Variants in GUCY1A2 observed in about 807,000 individuals in gnomAD.
The protein encoded by GUCY1A2 is guanylate cyclase soluble subunit alpha-2.
A neutral mutation model predicts 63.5 loss-of-function variants in GUCY1A2; 27 were observed. The observed-to-expected ratio is 0.43, with a 90% CI of 0.31 to 0.59. The LOEUF (loss-of-function observed/expected upper bound fraction) is 0.59. Among genes scored for constraint, GUCY1A2 ranks in the 20% least tolerant of loss-of-function variants. The pLI, the probability that GUCY1A2 is intolerant of heterozygous loss-of-function variation, is 0.11. For missense variants in GUCY1A2, 768 were observed against 913.3 expected, an observed-to-expected ratio of 0.84 and a Z score of 2.05; for synonymous variants, 364 against 343.5, an observed-to-expected ratio of 1.06 and a Z score of -0.66.
chr11:106,983,790 C>CA (rs1333103517), intron 2 of GUCY1A2, among the ~76,000 whole-genome samples: 2 of 152,102 alleles, frequency 1.3e-5, no homozygotes, highest in Middle Eastern at 3.2e-3. Context: ...CCTCACCTGC[C>CA]AAAAAATAAC....
intron 3 of GUCY1A2, among the ~76,000 whole-genome samples, chr11:106,941,775 C>A (rs1860755030): frequency 6.6e-6 from 1 of 152,192 alleles, no homozygotes; most frequent in Admixed American, 6.5e-5. Flanking sequence ...GAGTCTAAAA[C>A]TTCTGGTAGC....
At chr11:106,980,112 G>A (rs1477316591) in intron 2 of GUCY1A2, among the ~76,000 whole-genome samples, 1 of 152,168 alleles carries the variant, frequency 6.6e-6, no homozygotes, top group African/African-American at 2.4e-5. Flanking sequence ...GAAGACTCTG[G>A]AGAAAGTTAT....
intron 5 of GUCY1A2, among the ~76,000 whole-genome samples, chr11:106,779,065 A>T (rs2135404345): frequency 6.6e-6 from 1 of 152,314 alleles, no homozygotes; most frequent in South Asian, 2.1e-4. Flanking sequence ...GCACTAATTT[A>T]GGGAATATTA....
intron 4 of GUCY1A2, among the ~76,000 whole-genome samples, chr11:106,821,990 C>A (rs917605088): frequency 2.0e-5 from 3 of 152,068 alleles, no homozygotes; most frequent in African/African-American, 7.2e-5. Flanking sequence ...TTCTGGCTGA[C>A]TTGCATTAAA....
chr11:106,982,837 G>A (rs1861355696), intron 2 of GUCY1A2, among the ~76,000 whole-genome samples: 1 of 152,172 alleles, frequency 6.6e-6, no homozygotes, highest in Admixed American at 6.5e-5. Flanking sequence ...GGTAGGCAGA[G>A]GCCAGATCAC....
intron 1 of GUCY1A2, 124 bp from the exon 2 acceptor site, chr11:106,986,255 T>G: frequency 5.3e-6 from 3 of 562,372 alleles, no homozygotes; most frequent in Non-Finnish European, 9.4e-6. Flanking sequence ...TTCTACAGTA[T>G]TAACCCATTT....
intron 3 of GUCY1A2, among the ~76,000 whole-genome samples, chr11:106,974,655 T>A (rs1185903858): frequency 6.6e-6 from 1 of 152,056 alleles, no homozygotes; most frequent in Non-Finnish European, 1.5e-5. Context: ...ATTTCCTCTA[T>A]CCTCCTTACT....
At chr11:106,918,109 G>T (rs909090415) in intron 4 of GUCY1A2, among the ~76,000 whole-genome samples, 4 of 143,886 alleles carry the variant, frequency 2.8e-5, no homozygotes, top group African/African-American at 9.8e-5. Context: ...GAGAACGAAG[G>T]GTATAACGCC....
chr11:106,796,164 C>A (rs892681703), intron 5 of GUCY1A2, among the ~76,000 whole-genome samples: 1 of 152,064 alleles, frequency 6.6e-6, no homozygotes, highest in Non-Finnish European at 1.5e-5. Context: ...TGCTTGGTAG[C>A]TCTTCCTCCA....
At chr11:106,901,439 C>T (rs980657851) in intron 4 of GUCY1A2, among the ~76,000 whole-genome samples, 9 of 152,152 alleles carry the variant, frequency 5.9e-5, no homozygotes, top group African/African-American at 1.9e-4. Flanking sequence ...TCCCATGAAT[C>T]GTCAATGTTC....
intron 4 of GUCY1A2, among the ~76,000 whole-genome samples, chr11:106,860,095 A>T (rs1174633100): frequency 1.8e-4 from 28 of 151,938 alleles, no homozygotes. Context: ...TACTATTATT[A>T]CTCAACATAT....
At chr11:106,804,088 C>G (rs980959801) in intron 5 of GUCY1A2, among the ~76,000 whole-genome samples, 6 of 152,164 alleles carry the variant, frequency 3.9e-5, no homozygotes, top group Non-Finnish European at 5.9e-5. Context: ...ATGCTAATTT[C>G]CATAACATTT....
At chr11:106,858,569 A>G (rs1859467993) in intron 4 of GUCY1A2, among the ~76,000 whole-genome samples, 1 of 152,124 alleles carries the variant, frequency 6.6e-6, no homozygotes, top group Non-Finnish European at 1.5e-5. Context: ...GGATTTAAAC[A>G]CAGGTCCATC....
Position 106,828,478 on chromosome 11 carries a change from T to A in GUCY1A2, c.1207-18000A>T, listed in dbSNP as rs75367275. On this transcript the variant is annotated intron_variant, in intron 4 of 7. Coordinates refer to ENST00000526355, the MANE Select transcript of GUCY1A2 (RefSeq NM_000855.3). The stretch of plus-strand genomic sequence containing the variant: ...GTGTCCTTTCCCTATTGTTTATTTT[T>A]GTCAACTTTGTCAAATATCAGTTGA... Among the ~76,000 whole-genome samples, 889 of 152,346 alleles carry A rather than the reference T, an allele frequency of 5.8e-3. 13 individuals are homozygous for A. Among genetic ancestry groups the A allele is most frequent in the African/African-American group, 0.02 (814 of 41,570 alleles).
Position 106,825,566 on chromosome 11 carries a change from T to C in GUCY1A2, c.1207-15088A>G, listed in dbSNP as rs548199872. 1.5e-3 allele frequency among the ~76,000 whole-genome samples: 232 copies of C among 151,902 alleles called. 2 individuals carry two copies. In the South Asian group the frequency reaches 0.016, roughly 11 times the overall value. ...TAAGTTTTTTATGCCTTTATATACTTAGCTATATTTTTTCTTTTGACATAA... is the reference window on the plus strand; with the variant it reads ...TAAGTTTTTTATGCCTTTATATACTCAGCTATATTTTTTCTTTTGACATAA... On this transcript the variant is annotated intron_variant, in intron 4 of 7. Transcript: ENST00000526355.
At chr11:106,693,322 G>A (rs2135337307) in intron 7 of GUCY1A2, among the ~76,000 whole-genome samples, 1 of 152,282 alleles carries the variant, frequency 6.6e-6, no homozygotes, top group Non-Finnish European at 1.5e-5. Flanking sequence ...GTATTTGGCT[G>A]TTAAAAAGTA....
intron 4 of GUCY1A2, among the ~76,000 whole-genome samples, chr11:106,828,758 G>A (rs964174374): frequency 1.3e-5 from 2 of 152,196 alleles, no homozygotes; most frequent in African/African-American, 4.8e-5. Context: ...CTCTGTGCCA[G>A]AATATGTTTT....
At chr11:106,735,647 C>T (rs1250377117) in intron 6 of GUCY1A2, among the ~76,000 whole-genome samples, 1 of 152,118 alleles carries the variant, frequency 6.6e-6, no homozygotes, top group South Asian at 2.1e-4. Context: ...GGGTATATAA[C>T]TAGCAGTGGG....
intron 4 of GUCY1A2, among the ~76,000 whole-genome samples, chr11:106,883,311 C>T (rs1359509263): frequency 6.6e-6 from 1 of 152,046 alleles, no homozygotes; most frequent in Non-Finnish European, 1.5e-5. Flanking sequence ...CTCCTGGATG[C>T]CTTTATCTAT....
Sources: allele counts gnomAD v4.1 joint callset (sites outside exome capture counted in the v4.1 genomes callset), GRCh38; gene constraint gnomAD v4.1.1; transcripts MANE v1.5; gene names NCBI Gene and HGNC (gene_info 2026-07-23, HGNC 2026-07-21).